The following TTC28 variants were observed in gnomAD, a reference collection of about 807,000 sequenced individuals.
TTC28 encodes the protein tetratricopeptide repeat domain 28, also known as tetratricopeptide repeat protein 28.
TTC28 carries 61 observed loss-of-function variants against 198.0 expected under a neutral mutation model. The observed-to-expected ratio is 0.31, with a 90% CI of 0.25 to 0.38. The LOEUF (loss-of-function observed/expected upper bound fraction) is 0.38, where lower values mean the gene tolerates loss of function less well. Among genes scored for constraint, TTC28 ranks in the 10% least tolerant of loss-of-function variants. TTC28 has a pLI of 1.00. For synonymous variants in TTC28, 1,171 were observed against 1,297.8 expected (o/e 0.90, Z 2.10); for missense variants, 2,678 against 3,164.0 (o/e 0.85, Z 3.69).
chr22:28,130,288 G>A (rs1943029753), intron 6 of TTC28, among the ~76,000 whole-genome samples: 1 of 152,032 alleles, frequency 6.6e-6, no homozygotes, highest in South Asian at 2.1e-4. Context: ...CCAAATTAAA[G>A]ATATTGCTCC....
At chr22:28,444,474 T>C (rs1487491214) in intron 2 of TTC28, among the ~76,000 whole-genome samples, 1 of 152,214 alleles carries the variant, frequency 6.6e-6, no homozygotes, top group Non-Finnish European at 1.5e-5. Flanking sequence ...GAATCTGAAA[T>C]TCAATAGAGG....
intron 5 of TTC28, among the ~76,000 whole-genome samples, chr22:28,203,594 A>G (rs934944344): frequency 2.0e-5 from 3 of 152,124 alleles, no homozygotes; most frequent in African/African-American, 4.8e-5. Flanking sequence ...GCAGAATTAA[A>G]CTACCAATTC....
At chr22:28,502,272 T>C (rs2048547325) in intron 2 of TTC28, among the ~76,000 whole-genome samples, 1 of 152,118 alleles carries the variant, frequency 6.6e-6, no homozygotes. Context: ...CATGAACTGA[T>C]TTCAATATCA....
chr22:28,459,809 G>C (rs2047920488), intron 2 of TTC28: 1 of 152,114 alleles, frequency 6.6e-6, no homozygotes, highest in East Asian at 1.9e-4. Flanking sequence ...ATCTGGCTCT[G>C]ATCTTTGGTA....
At chr22:28,328,327 A>G (rs2045562797) in intron 2 of TTC28, among the ~76,000 whole-genome samples, 1 of 152,100 alleles carries the variant, frequency 6.6e-6, no homozygotes, top group Non-Finnish European at 1.5e-5. Context: ...CTGTAGTCCT[A>G]TCTACTCTGG....
intron 6 of TTC28, among the ~76,000 whole-genome samples, chr22:28,125,969 G>C (rs914380981): frequency 2.6e-5 from 4 of 152,086 alleles, no homozygotes; most frequent in Non-Finnish European, 4.4e-5. Flanking sequence ...ACAATCCTTA[G>C]AGGATCTGGA....
At chr22:28,020,641 C>T (rs983058291) in intron 13 of TTC28, among the ~76,000 whole-genome samples, 4 of 152,216 alleles carry the variant, frequency 2.6e-5, no homozygotes, top group Admixed American at 2.6e-4. Flanking sequence ...CTCCTTTGGG[C>T]AGTCTGTGCT....
At chr22:28,548,239 T>C (rs1348193543) in intron 2 of TTC28, among the ~76,000 whole-genome samples, 6 of 152,170 alleles carry the variant, frequency 3.9e-5, no homozygotes, top group African/African-American at 7.2e-5. Context: ...AAAGCAAATA[T>C]GCATTTATAG....
At chr22:28,350,671 TC>T (rs1189015225) in intron 2 of TTC28, among the ~76,000 whole-genome samples, 2 of 152,000 alleles carry the variant, frequency 1.3e-5, no homozygotes, top group Admixed American at 1.3e-4. Flanking sequence ...AGCTTAAGAA[TC>T]CCTGAATTAG....
chr22:28,424,619 G>A (rs2047318171), intron 2 of TTC28, among the ~76,000 whole-genome samples: 1 of 152,038 alleles, frequency 6.6e-6, no homozygotes, highest in South Asian at 2.1e-4. Context: ...ACCTAATTCT[G>A]TGCTAGCGTC....
intron 8 of TTC28, 149 bp from the exon 9 acceptor site, chr22:28,101,429 C>T (rs1333607138): frequency 1.5e-6 from 1 of 666,188 alleles, no homozygotes; most frequent in Admixed American, 3.0e-5. Context: ...GCAGTGGCAG[C>T]TCACTGCAGC....
At chr22:28,086,950 G>A (rs1941627715) in intron 12 of TTC28, among the ~76,000 whole-genome samples, 2 of 152,062 alleles carry the variant, frequency 1.3e-5, no homozygotes, top group African/African-American at 2.4e-5. Context: ...ACCCTCCCAA[G>A]ACTAAACCAG....
chr22:27,990,778 G>A lies in TTC28; in HGVS notation c.5577+11C>T. The A allele has an allele frequency of 6.5e-7, 1 of 1,550,316 alleles. No individual in the cohort carries two copies. The highest frequency in any genetic ancestry group is 8.7e-7 in the Non-Finnish European group (1 of 1,146,788). On this transcript the variant is annotated intron_variant, in intron 20 of 22. Coordinates refer to ENST00000397906, the MANE Select transcript of TTC28 (RefSeq NM_001145418.2). ...CACCTGACAACAGTTGCTACTTAAAGTAGTACTCACCATTCCAACCATATT... is the reference window on the plus strand; with the variant it reads ...CACCTGACAACAGTTGCTACTTAAAATAGTACTCACCATTCCAACCATATT...
intron 12 of TTC28, among the ~76,000 whole-genome samples, chr22:28,085,608 C>G (rs1246082416): frequency 6.6e-5 from 10 of 152,030 alleles, no homozygotes; most frequent in South Asian, 2.1e-4. Context: ...ATCAACTAAC[C>G]AGCAAAATAA....
chr22:28,561,843 A>G (rs568313708), intron 2 of TTC28, among the ~76,000 whole-genome samples: 1 of 152,270 alleles, frequency 6.6e-6, no homozygotes, highest in South Asian at 2.1e-4. Context: ...TAGGTTTACT[A>G]TGATTAATCT....
rs115745123 is a variant in TTC28, at chr22:28,321,224, C to G, written c.382-14581G>C. Reference sequence around the variant, plus strand: ...ATCTAATTAACATCAAACTGAGTTGCAAGTATAGTGGCCTGTTTGGTTCAA... The same window carrying G: ...ATCTAATTAACATCAAACTGAGTTGGAAGTATAGTGGCCTGTTTGGTTCAA... On this transcript the variant is annotated intron_variant, in intron 2 of 22. Coordinates refer to ENST00000397906, the MANE Select transcript of TTC28 (RefSeq NM_001145418.2). 2.2e-3 allele frequency among the ~76,000 whole-genome samples: 330 copies of G among 152,184 alleles called. 2 individuals are homozygous for G. The highest frequency in any genetic ancestry group is 7.7e-3 in the African/African-American group (321 of 41,522).
intron 2 of TTC28, among the ~76,000 whole-genome samples, chr22:28,554,236 C>CGGAA (rs1244346448): frequency 1.3e-5 from 2 of 151,868 alleles, no homozygotes; most frequent in Non-Finnish European, 1.5e-5. Context: ...ACAAACACTG[C>CGGAA]GGAAGGCCGC....
At chr22:28,234,121 T>C (rs1368476446) in intron 5 of TTC28, among the ~76,000 whole-genome samples, 1 of 152,014 alleles carries the variant, frequency 6.6e-6, no homozygotes. Context: ...TTAGCCAGGA[T>C]GGTCTCGATC....
At chr22:28,037,247 C>A (rs34564977) in intron 12 of TTC28, among the ~76,000 whole-genome samples, 34,670 of 151,984 alleles carry the variant, frequency 0.23, 3,992 homozygotes, top group East Asian at 0.27. Flanking sequence ...TCCCTGACGA[C>A]CATCGACGCA....
Sources: allele counts gnomAD v4.1 joint callset (sites outside exome capture counted in the v4.1 genomes callset), GRCh38; gene constraint gnomAD v4.1.1; transcripts MANE v1.5; gene names NCBI Gene and HGNC (gene_info 2026-07-23, HGNC 2026-07-21).